CNTNAP2: variants seen among roughly 807,000 people sequenced by gnomAD.
CNTNAP2 encodes contactin-associated protein-like 2.
Under a neutral mutation model 155.2 loss-of-function variants are expected in CNTNAP2, and 98 were observed. The observed-to-expected ratio is 0.63, with a 90% CI of 0.54 to 0.75. The LOEUF (loss-of-function observed/expected upper bound fraction) is 0.75, where lower values mean the gene tolerates loss of function less well. Ranked by LOEUF, CNTNAP2 falls within the 30% of genes least tolerant of loss-of-function variation. The pLI, the probability that CNTNAP2 is intolerant of heterozygous loss-of-function variation, is 0.00. For synonymous variants in CNTNAP2, 651 were observed against 631.2 expected, an observed-to-expected ratio of 1.03 and a Z score of -0.47; for missense variants, 1,727 against 1,688.1, an observed-to-expected ratio of 1.02 and a Z score of -0.40.
chr7:146,719,164 G>A (rs767547309), intron 1 of CNTNAP2, among the ~76,000 whole-genome samples: 2 of 152,074 alleles, frequency 1.3e-5, no homozygotes, highest in Non-Finnish European at 2.9e-5. Context: ...TTCAATTCTT[G>A]CACCTGATTT....
intron 13 of CNTNAP2, among the ~76,000 whole-genome samples, chr7:147,797,579 A>C (rs889605606): frequency 1.3e-5 from 2 of 152,172 alleles, no homozygotes; most frequent in African/African-American, 2.4e-5. Flanking sequence ...AATAAGTTTT[A>C]GAAACACAAA....
chr7:147,404,379 T>C (rs1796967449), intron 10 of CNTNAP2, among the ~76,000 whole-genome samples: 1 of 152,154 alleles, frequency 6.6e-6, no homozygotes, highest in Admixed American at 6.5e-5. Context: ...TAAAACCTAA[T>C]CCCCAACTTA....
At chr7:146,194,883 C>A (rs1205266501) in intron 1 of CNTNAP2, among the ~76,000 whole-genome samples, 2 of 152,090 alleles carry the variant, frequency 1.3e-5, no homozygotes, top group African/African-American at 4.8e-5. Flanking sequence ...GTCTGGAGAC[C>A]TGAATTCTAG....
At chr7:147,419,374 T>A (rs1179509461) in intron 10 of CNTNAP2, among the ~76,000 whole-genome samples, 1 of 152,054 alleles carries the variant, frequency 6.6e-6, no homozygotes, top group African/African-American at 2.4e-5. Flanking sequence ...GGCCTTATAT[T>A]CAACAACAAA....
In CNTNAP2 at chr7:147,349,213, A is replaced by G. The variant is rs148895153; in HGVS notation, c.1499-46396A>G. Among the ~76,000 whole-genome samples, 184 of 152,060 alleles carry G rather than the reference A, an allele frequency of 1.2e-3. 2 individuals carry two copies. Among genetic ancestry groups the G allele is most frequent in the African/African-American group, 4.2e-3 (173 of 41,548 alleles). ...AATTATCCTAATCTGACCGTTATAC[A>G]TTATATGTATTGAAACATCACTGTG... On this transcript the variant is annotated intron_variant, in intron 9 of 23. Coordinates refer to ENST00000361727, the MANE Select transcript of CNTNAP2 (RefSeq NM_014141.6).
chr7:147,319,690 A>G (rs1163210670), intron 9 of CNTNAP2, among the ~76,000 whole-genome samples: 2 of 152,140 alleles, frequency 1.3e-5, no homozygotes, highest in African/African-American at 4.8e-5. Context: ...GAGTAATGTT[A>G]AATATAGGAT....
At position 147,331,923 on chromosome 7, in the gene CNTNAP2, G is replaced by A. The variant is rs73471243; in HGVS notation, c.1498+31633G>A. Among the ~76,000 whole-genome samples, 8 of 152,204 alleles carry A rather than the reference G, an allele frequency of 5.3e-5. No individual in the cohort carries two copies. In the East Asian group the frequency reaches 1.6e-3, roughly 30 times the overall value. On this transcript the variant is annotated intron_variant, in intron 9 of 23. Coordinates refer to ENST00000361727, the MANE Select transcript of CNTNAP2 (RefSeq NM_014141.6). ...CAGTATCTCAGAAAGTTCCCCTATG[G>A]TCAGCTGGCTTTACTGTTCACAACA... is the stretch of plus-strand genomic sequence containing the variant.
intron 9 of CNTNAP2, among the ~76,000 whole-genome samples, chr7:147,378,878 G>A (rs1796486115): frequency 2.6e-5 from 4 of 151,878 alleles, no homozygotes; most frequent in Admixed American, 1.3e-4. Context: ...GATATGGTTT[G>A]GCTGTGTTCC....
chr7:146,219,999 CAG>C (rs1337867034), intron 1 of CNTNAP2, among the ~76,000 whole-genome samples: 1 of 152,090 alleles, frequency 6.6e-6, no homozygotes, highest in African/African-American at 2.4e-5. Flanking sequence ...TGAGTTGCCA[CAG>C]GTGATGACAC....
At chr7:148,160,624 GA>G (rs1372373861) in intron 17 of CNTNAP2, among the ~76,000 whole-genome samples, 1 of 152,216 alleles carries the variant, frequency 6.6e-6, no homozygotes, top group African/African-American at 2.4e-5. Context: ...TGAAAATAAA[GA>G]TGCAATATTT....
chr7:146,487,518 TAACA>T (rs1478890950), intron 1 of CNTNAP2, among the ~76,000 whole-genome samples: 3 of 152,202 alleles, frequency 2.0e-5, no homozygotes, highest in Non-Finnish European at 2.9e-5. Flanking sequence ...TTAATTTCTT[TAACA>T]AACAGTTTAG....
chr7:148,143,083 A>G (rs1231057106), intron 16 of CNTNAP2, among the ~76,000 whole-genome samples: 1 of 152,158 alleles, frequency 6.6e-6, no homozygotes, highest in East Asian at 1.9e-4. Flanking sequence ...GACCAGCTGT[A>G]TTTCATTTTA....
intron 17 of CNTNAP2, among the ~76,000 whole-genome samples, chr7:148,154,679 G>A (rs999810058): frequency 6.6e-6 from 1 of 152,192 alleles, no homozygotes; most frequent in African/African-American, 2.4e-5. Flanking sequence ...GCTCACGCCT[G>A]TAATTTCAGC....
At chr7:146,490,730 TTTAAA>T (rs1388895494) in intron 1 of CNTNAP2, among the ~76,000 whole-genome samples, 2 of 152,214 alleles carry the variant, frequency 1.3e-5, no homozygotes, top group Non-Finnish European at 2.9e-5. Flanking sequence ...TAGAGTTCTC[TTTAAA>T]TTATCTTTAA....
At chr7:146,391,122 A>G (rs1294636727) in intron 1 of CNTNAP2, among the ~76,000 whole-genome samples, 1 of 147,756 alleles carries the variant, frequency 6.8e-6, no homozygotes, top group African/African-American at 2.5e-5. Context: ...TATTTAGTAT[A>G]TATATTTATT....
At chr7:147,786,850 T>A (rs968085575) in intron 13 of CNTNAP2, among the ~76,000 whole-genome samples, 3 of 152,058 alleles carry the variant, frequency 2.0e-5, no homozygotes, top group African/African-American at 7.2e-5. Flanking sequence ...GTAACTGTAG[T>A]CCCTGCTACT....
intron 1 of CNTNAP2, among the ~76,000 whole-genome samples, chr7:146,640,651 C>A (rs946953274): frequency 6.6e-6 from 1 of 152,114 alleles, no homozygotes; most frequent in Admixed American, 6.6e-5. Flanking sequence ...GAAGGTTATC[C>A]GTAGCACCTA....
At chr7:147,936,920 G>A (rs1380461596) in intron 14 of CNTNAP2, among the ~76,000 whole-genome samples, 10 of 152,124 alleles carry the variant, frequency 6.6e-5, no homozygotes, top group African/African-American at 2.4e-4. Context: ...GTTAGAACAA[G>A]CTCTGGCAGC....
chr7:148,263,731 A>C (rs111527661), intron 20 of CNTNAP2, among the ~76,000 whole-genome samples: 12,814 of 145,654 alleles, frequency 0.088, 966 homozygotes, highest in African/African-American at 0.21. Context: ...AGCGAGACTC[A>C]GTCCCAAAAA....
Sources: allele counts gnomAD v4.1 joint callset (sites outside exome capture counted in the v4.1 genomes callset), GRCh38; gene constraint gnomAD v4.1.1; transcripts MANE v1.5; gene names NCBI Gene and HGNC (gene_info 2026-07-23, HGNC 2026-07-21).